PVT1: variants seen among roughly 807,000 people sequenced by gnomAD.
PVT1 encodes Pvt1 oncogene, also known as CXCR4/PVT1 fusion.
At chr8:128,020,245 T>A (rs1372032479) in intron 4 of PVT1, among the ~76,000 whole-genome samples, 1 of 152,212 alleles carries the variant, frequency 6.6e-6, no homozygotes, top group Admixed American at 6.5e-5. Context: ...TATGAATGAA[T>A]ATGTTACTTT....
rs187958421 is a variant in PVT1, at chr8:127,846,802, G to T, written n.373-43787G>T. Among the ~76,000 whole-genome samples, 594 of 151,546 alleles carry T rather than the reference G, an allele frequency of 3.9e-3. 5 individuals are homozygous for T. The highest frequency in any genetic ancestry group is 0.013 in the African/African-American group (552 of 41,282). On this transcript the variant is annotated intron_variant and non_coding_transcript_variant, in intron 2 of 10. Coordinates refer to ENST00000651587, the Ensembl canonical transcript of PVT1. ...TTCTCCTGCCTCACCCTCCCAAGTA[G>T]CTGGGATTACAGGTGCCTGCCACCA...
At chr8:127,868,472 C>T (rs1440734026) in intron 2 of PVT1, among the ~76,000 whole-genome samples, 7 of 151,904 alleles carry the variant, frequency 4.6e-5, no homozygotes, top group African/African-American at 9.7e-5. Context: ...ACTACAACCC[C>T]GACCTCCTGG....
intron 3 of PVT1, chr8:127,948,143 G>A (rs1001453082): frequency 1.5e-4 from 55 of 366,026 alleles, no homozygotes; most frequent in Admixed American, 1.5e-3. Flanking sequence ...GTGACTTCCC[G>A]TCTGTTTTAT....
chr8:127,855,704 G>A (rs1815153199), intron 2 of PVT1, among the ~76,000 whole-genome samples: 1 of 152,236 alleles, frequency 6.6e-6, no homozygotes, highest in South Asian at 2.1e-4. Flanking sequence ...CCACCAGCGA[G>A]GTTGCTCAGG....
chr8:127,863,616 T>G, intron 2 of PVT1, among the ~76,000 whole-genome samples: 1 of 152,224 alleles, frequency 6.6e-6, no homozygotes, highest in Middle Eastern at 3.2e-3. Context: ...AATTTCTTAC[T>G]TAGGTGTGTG....
chr8:128,097,732 A>C (rs1205189058), intron 6 of PVT1, among the ~76,000 whole-genome samples: 2 of 152,230 alleles, frequency 1.3e-5, no homozygotes, highest in Admixed American at 1.3e-4. Context: ...GAATCTATTA[A>C]GTAACAGAGC....
At chr8:128,001,369 G>C (rs1817175262) in intron 4 of PVT1, among the ~76,000 whole-genome samples, 2 of 151,630 alleles carry the variant, frequency 1.3e-5, no homozygotes, top group Non-Finnish European at 2.9e-5. Context: ...AAACAACCTT[G>C]TCAAAATAAA....
intron 3 of PVT1, chr8:127,932,372 G>T (rs1474869077): frequency 2.5e-6 from 1 of 398,388 alleles, no homozygotes; most frequent in Admixed American, 4.4e-5. Flanking sequence ...CCTTCCTTGG[G>T]AAGTCTGAGA....
At chr8:127,901,985 A>G (rs1050511214) in intron 3 of PVT1, among the ~76,000 whole-genome samples, 1 of 152,060 alleles carries the variant, frequency 6.6e-6, no homozygotes, top group African/African-American at 2.4e-5. Flanking sequence ...ATACTATGAA[A>G]TAACCTTTTT....
At chr8:128,066,846 A>C (rs565764529) in intron 4 of PVT1, among the ~76,000 whole-genome samples, 1 of 152,108 alleles carries the variant, frequency 6.6e-6, no homozygotes, top group Non-Finnish European at 1.5e-5. Context: ...TCTCTTTCCT[A>C]GTGCAGATTC....
chr8:127,948,725 C>T (rs895060101), intron 3 of PVT1: 1 of 152,374 alleles, frequency 6.6e-6, no homozygotes. Context: ...TGGCCATCTA[C>T]AAGCCCAGGA....
At position 127,852,252 on chromosome 8, in the gene PVT1, C is replaced by T. The variant is rs61050719; in HGVS notation, n.373-38337C>T. The T allele has an allele frequency of 1.0e-3, 154 of 152,374 alleles. 1 individual carries two copies. The highest frequency in any genetic ancestry group is 3.6e-3 in the African/African-American group (150 of 41,584). The allele number at this position is 152,374 out of a possible 1,614,324, so 9.4% of individuals were successfully genotyped here. On this transcript the variant is annotated intron_variant and non_coding_transcript_variant, in intron 2 of 10. Transcript: ENST00000651587. ...CAGCAGCTTCCAAGGCAGAGCCTGG[C>T]GTCAGAAAGCTGCATTGCGCTAATG...
At chr8:128,063,666 G>C (rs1328822371) in intron 4 of PVT1, among the ~76,000 whole-genome samples, 2 of 152,132 alleles carry the variant, frequency 1.3e-5, no homozygotes, top group African/African-American at 4.8e-5. Flanking sequence ...TAAAAAAGTT[G>C]ATCTCAAAGA....
At chr8:128,060,553 C>T (rs1813817998) in intron 4 of PVT1, among the ~76,000 whole-genome samples, 1 of 152,176 alleles carries the variant, frequency 6.6e-6, no homozygotes, top group South Asian at 2.1e-4. Context: ...GGCAGGGACT[C>T]CTGAGGAAAG....
At chr8:127,948,986 C>T (rs73353792) in intron 3 of PVT1, among the ~76,000 whole-genome samples, 15 of 152,292 alleles carry the variant, frequency 9.8e-5, no homozygotes, top group South Asian at 6.2e-4. Context: ...CAGAAATAGC[C>T]GACTTTCATC....
In PVT1 at chr8:128,091,320, G is replaced by A. The variant is rs192815174; in HGVS notation, n.1115-5198G>A. On this transcript the variant is annotated intron_variant and non_coding_transcript_variant, in intron 5 of 10. Transcript: ENST00000651587. ...GCACTCCAGGCCAAGTCCGGTACTCGTCCCAGCTGTCGGCTAAGCCTGCAC... is the reference window on the plus strand; with the variant it reads ...GCACTCCAGGCCAAGTCCGGTACTCATCCCAGCTGTCGGCTAAGCCTGCAC... Among the ~76,000 whole-genome samples, 327 of 152,246 alleles carry A rather than the reference G, an allele frequency of 2.1e-3. 1 individual carries two copies. Among genetic ancestry groups the A allele is most frequent in the Admixed American group, 4.4e-3 (67 of 15,306 alleles).
chr8:127,894,075 C>A (rs942219747), intron 3 of PVT1, among the ~76,000 whole-genome samples: 1 of 152,224 alleles, frequency 6.6e-6, no homozygotes, highest in Non-Finnish European at 1.5e-5. Context: ...CCCTGACTGC[C>A]GCTACAGCAG....
At chr8:128,009,385 A>G (rs1817287697) in intron 4 of PVT1, among the ~76,000 whole-genome samples, 1 of 152,212 alleles carries the variant, frequency 6.6e-6, no homozygotes. Context: ...GTATCTTTAT[A>G]TAAGAAATGT....
chr8:127,799,083 G>GTT (rs944953004), intron 2 of PVT1, among the ~76,000 whole-genome samples: 1 of 148,620 alleles, frequency 6.7e-6, no homozygotes, highest in Non-Finnish European at 1.5e-5. Context: ...CGAACTATCT[G>GTT]TTTTTTTTTT....
Sources: allele counts gnomAD v4.1 joint callset (sites outside exome capture counted in the v4.1 genomes callset), GRCh38; gene constraint gnomAD v4.1.1; transcripts MANE v1.5; gene names NCBI Gene and HGNC (gene_info 2026-07-23, HGNC 2026-07-21).